The following IFT22 variants were observed in gnomAD, a reference collection of about 807,000 sequenced individuals.
IFT22 encodes the protein intraflagellar transport protein 22 homolog.
In IFT22, 13 loss-of-function variants were observed where a neutral mutation model predicts 21.0. The observed-to-expected ratio is 0.62, with a 90% CI of 0.40 to 0.98. The LOEUF (loss-of-function observed/expected upper bound fraction) is 0.98. Ranked by LOEUF, IFT22 falls within the 50% of genes least tolerant of loss-of-function variation. The probability of loss-of-function intolerance (pLI) is 0.00; values close to 1 mark genes in which losing one functional copy is unlikely to be tolerated. For synonymous variants in IFT22, 67 were observed against 82.4 expected (o/e 0.81, Z 1.01); for missense variants, 227 against 228.9 (o/e 0.99, Z 0.06).
rs1187155359 is a variant in IFT22, at chr7:101,312,402, CCGGG to C, written c.*2728_*2731del. On this transcript the variant is annotated 3_prime_UTR_variant, in exon 5 of 5. Coordinates refer to ENST00000315322, the MANE Select transcript of IFT22 (RefSeq NM_022777.4). Reference sequence around the variant, plus strand: ...CTGTGGTCATGCCACTGCACTCCAGCCGGGATGACAGAGTGACACCGTGTCTCAA... The same window carrying C: ...CTGTGGTCATGCCACTGCACTCCAGCATGACAGAGTGACACCGTGTCTCAA... Among the ~76,000 whole-genome samples the C allele has an allele frequency of 6.6e-6, 1 of 151,984 alleles. No homozygotes were observed. The highest frequency in any genetic ancestry group is 2.4e-5 in the African/African-American group (1 of 41,376).
In IFT22 at chr7:101,315,014, G is replaced by A. The variant is rs189271108; in HGVS notation, c.*120C>T. On this transcript the variant is annotated 3_prime_UTR_variant, in exon 5 of 5. Coordinates refer to ENST00000315322, the MANE Select transcript of IFT22 (RefSeq NM_022777.4). Reference sequence around the variant, plus strand: ...TGTGACAGGTGCCTTCCTGCAGGTAGGAACACTTCCTCTGCAGTCAGAGGG... The same window carrying A: ...TGTGACAGGTGCCTTCCTGCAGGTAAGAACACTTCCTCTGCAGTCAGAGGG... 274 of 1,125,178 alleles carry A rather than the reference G, an allele frequency of 2.4e-4. 4 individuals carry two copies. In the South Asian group the frequency reaches 3.2e-3, roughly 13 times the overall value. 69.7% of individuals were successfully genotyped at this position (1,125,178 alleles called of 1,614,324 possible).
At chr7:101,318,869 T>G in intron 2 of IFT22, 87 bp downstream of exon 2, 1 of 1,075,224 alleles carries the variant, frequency 9.3e-7, no homozygotes, top group Admixed American at 1.8e-5. Context: ...CCTCCCGCTT[T>G]GACCTCCCAG....
chr7:101,318,028 A>C, intron 3 of IFT22, 96 bp downstream of exon 3: 2 of 1,040,498 alleles, frequency 1.9e-6, no homozygotes, highest in Non-Finnish European at 1.5e-6. Context: ...TTGGCCTCCC[A>C]AAGTGCTGGA....
chr7:101,315,074 A>G lies in IFT22; in HGVS notation c.*60T>C. On this transcript the variant is annotated 3_prime_UTR_variant, in exon 5 of 5. Transcript: ENST00000315322. ...CATCAGGAGCTGGATGTGATTTCAGATCTGCACCGAGAAACATGCTGATTT... is the reference window on the plus strand; with the variant it reads ...CATCAGGAGCTGGATGTGATTTCAGGTCTGCACCGAGAAACATGCTGATTT... 1 of 1,564,046 alleles carries G rather than the reference A, an allele frequency of 6.4e-7. No individual in the cohort carries two copies. The highest frequency in any genetic ancestry group is 8.7e-7 in the Non-Finnish European group (1 of 1,149,024).
chr7:101,321,678 G>A lies in IFT22; in HGVS notation c.32C>T (p.Pro11Leu), dbSNP rs772768460. 8 of 1,603,254 alleles carry A rather than the reference G, an allele frequency of 5.0e-6. No individual in the cohort carries two copies. The highest frequency in any genetic ancestry group is 8.5e-7 in the Non-Finnish European group (1 of 1,175,232). ...CGCCGGGCCAGGACTTACCTCGCAA[G>A]GCCCCACGAAGAGGATCTTGGCTTT... MLKAKILFVG[P>L]CESGKTVLAN... The change falls in exon 1 of 5, where the codon CCT becomes CTT. Residue 11 changes from proline to leucine, a missense_variant. By Grantham distance (98) the Pro-to-Leu change is moderately conservative. Coordinates refer to ENST00000315322, the MANE Select transcript of IFT22 (RefSeq NM_022777.4).
At chr7:101,320,721 G>T (rs1402325082) in intron 1 of IFT22, among the ~76,000 whole-genome samples, 1 of 152,138 alleles carries the variant, frequency 6.6e-6, no homozygotes, top group African/African-American at 2.4e-5. Context: ...AAAACGCCCA[G>T]GACTCGAGCA....
rs927171061 is a variant in IFT22 at position 101,312,459 on chromosome 7, G to A, written c.*2675C>T. ...AAACAAAAAACAAAAAATTGTGTCT[G>A]TACTCCACTTTCCAACTGGATATAG... is the stretch of plus-strand genomic sequence containing the variant. On this transcript the variant is annotated 3_prime_UTR_variant, in exon 5 of 5. Transcript: ENST00000315322. 6.7e-6 allele frequency among the ~76,000 whole-genome samples: 1 copy of A among 150,076 alleles called. No homozygotes were observed. The highest frequency in any genetic ancestry group is 1.5e-5 in the Non-Finnish European group (1 of 67,760).
At chr7:101,318,012 C>A (rs1213859455) in intron 3 of IFT22, 112 bp downstream of exon 3, 3 of 832,374 alleles carry the variant, frequency 3.6e-6, no homozygotes, top group East Asian at 5.6e-5. Context: ...AGGTGAGCCA[C>A]CCACCTTGGC....
In IFT22 at chr7:101,311,587, C is replaced by A. The variant is rs1411551072; in HGVS notation, c.*3547G>T. ...TGACAGACACCCTAGCATTTTTATTCATCTCCCTTAGGTGCCTCAACTTTT... is the reference window on the plus strand; with the variant it reads ...TGACAGACACCCTAGCATTTTTATTAATCTCCCTTAGGTGCCTCAACTTTT... On this transcript the variant is annotated 3_prime_UTR_variant, in exon 5 of 5. Transcript: ENST00000315322. Among the ~76,000 whole-genome samples, 1 of 152,328 alleles carries A rather than the reference C, an allele frequency of 6.6e-6. No individual in the cohort carries two copies. The highest frequency in any genetic ancestry group is 2.4e-5 in the African/African-American group (1 of 41,584).
At chr7:101,317,169 ATTT>A (rs1790183716) in intron 3 of IFT22, among the ~76,000 whole-genome samples, 1 of 151,566 alleles carries the variant, frequency 6.6e-6, no homozygotes, top group African/African-American at 2.4e-5. Context: ...TATTATTATT[ATTT>A]TTGGAGACAA....
Position 101,311,829 on chromosome 7 carries a change from G to C in IFT22, c.*3305C>G, listed in dbSNP as rs958355851. On this transcript the variant is annotated 3_prime_UTR_variant, in exon 5 of 5. Coordinates refer to ENST00000315322, the MANE Select transcript of IFT22 (RefSeq NM_022777.4). ...GTTCAAGACCAGCCTGGCCAAGATG[G>C]TGAAACCGTCTCTACTAAAAATACA... 3.3e-5 allele frequency among the ~76,000 whole-genome samples: 5 copies of C among 151,782 alleles called. No homozygotes were observed. The highest frequency in any genetic ancestry group is 7.4e-5 in the Non-Finnish European group (5 of 67,918).
rs1264500492 is a variant in IFT22, at chr7:101,321,282, C to T, written c.39+389G>A. 4.0e-5 allele frequency: 9 copies of T among 227,570 alleles called. No homozygotes were observed. The East Asian group carries it at 1.1e-3, about 28-fold the overall frequency. 14.1% of individuals were successfully genotyped at this position (227,570 alleles called of 1,614,324 possible). ...GAGGCTGCAGTGAGCTATGATCACA[C>T]CACTGCACTCCAGCCTGGACGACAC... On this transcript the variant is annotated intron_variant, in intron 1 of 4. Transcript: ENST00000315322.
intron 3 of IFT22, among the ~76,000 whole-genome samples, chr7:101,317,332 A>G (rs1262966789): frequency 6.6e-6 from 1 of 152,048 alleles, no homozygotes; most frequent in Non-Finnish European, 1.5e-5. Flanking sequence ...TATTTTTAGT[A>G]GAGACAGGGT....
chr7:101,316,179 A>G, intron 4 of IFT22, 161 bp downstream of exon 4: 1 of 649,346 alleles, frequency 1.5e-6, no homozygotes, highest in South Asian at 1.9e-5. Flanking sequence ...TTGTATTTTT[A>G]GTAGAGACGT....
At position 101,314,989 on chromosome 7, in the gene IFT22, T is replaced by C. The variant is rs11544858; in HGVS notation, c.*145A>G. On this transcript the variant is annotated 3_prime_UTR_variant, in exon 5 of 5. Coordinates refer to ENST00000315322, the MANE Select transcript of IFT22 (RefSeq NM_022777.4). ...ACAGATGGTCTGAGTGAACGCCCTG[T>C]GTGACAGGTGCCTTCCTGCAGGTAG... 0.16 allele frequency: 123,173 copies of C among 793,236 alleles called. 10,347 individuals carry two copies. The highest frequency in any genetic ancestry group is 0.24 in the Middle Eastern group (636 of 2,630). The allele number at this position is 793,236 out of a possible 1,614,324, so 49.1% of individuals were successfully genotyped here.
In IFT22 at chr7:101,311,392, C is replaced by CT. The variant is rs1789976482; in HGVS notation, c.*3741dup. On this transcript the variant is annotated 3_prime_UTR_variant, in exon 5 of 5. Coordinates refer to ENST00000315322, the MANE Select transcript of IFT22 (RefSeq NM_022777.4). Reference sequence around the variant, plus strand: ...TGTGAGATGGATTCTTGTTAGGCAGCTGTCATGGAAAGATGATTTAGTTCA... The same window carrying CT: ...TGTGAGATGGATTCTTGTTAGGCAGCTTGTCATGGAAAGATGATTTAGTTCA... 6.6e-6 allele frequency among the ~76,000 whole-genome samples: 1 copy of CT among 152,140 alleles called. No homozygotes were observed. Among genetic ancestry groups the CT allele is most frequent in the African/African-American group, 2.4e-5 (1 of 41,430 alleles).
chr7:101,315,058 C>G lies in IFT22; in HGVS notation c.*76G>C. On this transcript the variant is annotated 3_prime_UTR_variant, in exon 5 of 5. Coordinates refer to ENST00000315322, the MANE Select transcript of IFT22 (RefSeq NM_022777.4). ...CAGAGGGAGAAGAAAACATCAGGAG[C>G]TGGATGTGATTTCAGATCTGCACCG... is the stretch of plus-strand genomic sequence containing the variant. The G allele has an allele frequency of 6.7e-7, 1 of 1,486,266 alleles. No individual in the cohort carries two copies. The highest frequency in any genetic ancestry group is 1.2e-5 in the South Asian group (1 of 82,680). 92.1% of individuals were successfully genotyped at this position (1,486,266 alleles called of 1,614,324 possible).
At chr7:101,317,628 G>A (rs1384620964) in intron 3 of IFT22, among the ~76,000 whole-genome samples, 1 of 152,044 alleles carries the variant, frequency 6.6e-6, no homozygotes, top group African/African-American at 2.4e-5. Flanking sequence ...AGCAATGCAT[G>A]TCAGCAAATC....
At chr7:101,318,580 C>T (rs1293962678) in intron 2 of IFT22, 3 of 267,768 alleles carry the variant, frequency 1.1e-5, no homozygotes, top group Non-Finnish European at 2.1e-5. Flanking sequence ...TTTTGGAATG[C>T]CAACAGCAAC....
Sources: gnomAD v4.1 joint callset for allele counts (sites outside exome capture counted in the v4.1 genomes callset) on GRCh38, gnomAD v4.1.1 for gene constraint, MANE v1.5 for transcripts, NCBI Gene and HGNC (gene_info 2026-07-23, HGNC 2026-07-21) for gene names.